SEC22B: variants seen among roughly 807,000 people sequenced by gnomAD.
SEC22B encodes the protein SEC22 homolog B, vesicle trafficking protein.
Under a neutral mutation model 31.4 loss-of-function variants are expected in SEC22B, and 10 were observed. The ratio of observed to expected loss-of-function variants is 0.32; its 90% CI spans 0.20 to 0.54. The LOEUF (loss-of-function observed/expected upper bound fraction) is 0.54. Among genes scored for constraint, SEC22B ranks in the 20% least tolerant of loss-of-function variants. The pLI is 0.94. For missense variants in SEC22B, 130 were observed against 263.4 expected (o/e 0.49, Z 3.50); for synonymous variants, 60 against 95.9 (o/e 0.63, Z 2.19).
In SEC22B at chr1:120,151,893, G is replaced by C. The variant is rs1158608597; in HGVS notation, c.*5145C>G. Reference sequence around the variant, plus strand: ...TTAGAGGTGAAAGAAGAAAGCAGAGGAGTCTAATGCAATGCGTGACTTGTA... The same window carrying C: ...TTAGAGGTGAAAGAAGAAAGCAGAGCAGTCTAATGCAATGCGTGACTTGTA... On this transcript the variant is annotated 3_prime_UTR_variant, in exon 5 of 5. Transcript: ENST00000578049. 6.6e-6 allele frequency: 1 copy of C among 151,886 alleles called. No homozygotes were observed. The highest frequency in any genetic ancestry group is 1.9e-4 in the East Asian group (1 of 5,170). 9.4% of individuals were successfully genotyped at this position (151,886 alleles called of 1,614,324 possible).
intron 2 of SEC22B, among the ~76,000 whole-genome samples, chr1:120,168,213 G>C (rs1287727275): frequency 1.3e-5 from 2 of 151,690 alleles, no homozygotes; most frequent in Non-Finnish European, 2.9e-5. Flanking sequence ...TATTTTGTCA[G>C]CTTCAAACTT....
Position 120,151,235 on chromosome 1 carries a change from G to A in SEC22B, c.*5803C>T, listed in dbSNP as rs1385299190. On this transcript the variant is annotated 3_prime_UTR_variant, in exon 5 of 5. Coordinates refer to ENST00000578049, the MANE Select transcript of SEC22B (RefSeq NM_004892.6). Reference sequence around the variant, plus strand: ...GTAAAATGTTTGACTGGTTAGAGACGCTAGATTATTTTGTGTGGCTAAGAC... The same window carrying A: ...GTAAAATGTTTGACTGGTTAGAGACACTAGATTATTTTGTGTGGCTAAGAC... 2 of 152,148 alleles carry A rather than the reference G, an allele frequency of 1.3e-5. No individual in the cohort carries two copies. Among genetic ancestry groups the A allele is most frequent in the East Asian group, 1.9e-4 (1 of 5,178 alleles). 9.4% of individuals were successfully genotyped at this position (152,148 alleles called of 1,614,324 possible).
intron 2 of SEC22B, among the ~76,000 whole-genome samples, chr1:120,163,678 C>T (rs1657756402): frequency 1.3e-5 from 2 of 151,528 alleles, no homozygotes; most frequent in South Asian, 4.1e-4. Context: ...CGGGTTCAAG[C>T]CATTCTCCTG....
intron 2 of SEC22B, among the ~76,000 whole-genome samples, chr1:120,167,842 G>T (rs1389746089): frequency 6.6e-6 from 1 of 152,108 alleles, no homozygotes; most frequent in African/African-American, 2.4e-5. Flanking sequence ...CCTAGGTCTT[G>T]GTTCTCTAAA....
Position 120,160,470 on chromosome 1 carries a change from C to G in SEC22B, c.407G>C (p.Gly136Ala). The G allele has an allele frequency of 6.2e-7, 1 of 1,611,056 alleles. No homozygotes were observed. The highest frequency in any genetic ancestry group is 8.5e-7 in the Non-Finnish European group (1 of 1,178,176). The change falls in exon 4 of 5, where the codon GGC becomes GCC. Residue 136 changes from glycine (G) to alanine (A), a missense_variant. By Grantham distance (60) the Gly-to-Ala change is moderately conservative. This residue lies in a region of SEC22B where 53 missense variants were observed against 63.3 expected (regional missense o/e 0.84). Coordinates refer to ENST00000578049, the MANE Select transcript of SEC22B (RefSeq NM_004892.6). ...YIDSRARRNL[G>A]SINTELQDVQ... ...ATCTTGCAATTCAGTGTTGATGGAGCCTAGATTTCTTCGAGCACGACTGTC... is the reference window on the plus strand; with the variant it reads ...ATCTTGCAATTCAGTGTTGATGGAGGCTAGATTTCTTCGAGCACGACTGTC...
At chr1:120,163,945 CTT>C (rs1169530604) in intron 2 of SEC22B, among the ~76,000 whole-genome samples, 13 of 68,934 alleles carry the variant, frequency 1.9e-4, no homozygotes, top group Non-Finnish European at 2.9e-4. Flanking sequence ...ATTAGATTCT[CTT>C]TTTTTTTTTT....
chr1:120,176,212 C>G, intron 1 of SEC22B, 95 bp downstream of exon 1: 1 of 1,241,064 alleles, frequency 8.1e-7, no homozygotes, highest in Non-Finnish European at 1.1e-6. Flanking sequence ...CCCGGGAAGT[C>G]ACAAAGGTCT....
At chr1:120,168,535 G>C (rs1354993734) in intron 2 of SEC22B, among the ~76,000 whole-genome samples, 2,986 of 151,750 alleles carry the variant, frequency 0.02, 98 homozygotes, top group African/African-American at 0.068. Flanking sequence ...TACACTGTTA[G>C]GAAATGTTTG....
rs1348165414 is a variant in SEC22B at position 120,156,823 on chromosome 1, A to G, written c.*215T>C. 2.7e-6 allele frequency: 1 copy of G among 372,956 alleles called. No homozygotes were observed. Among genetic ancestry groups the G allele is most frequent in the Non-Finnish European group, 4.8e-6 (1 of 209,620 alleles). 23.1% of individuals were successfully genotyped at this position (372,956 alleles called of 1,614,324 possible). ...AATATATATGGCTTGGCACCCAGAG[A>G]AAGCCTCTGCCCCCGAAAGAGACTT... On this transcript the variant is annotated 3_prime_UTR_variant, in exon 5 of 5. Transcript: ENST00000578049.
intron 4 of SEC22B, chr1:120,159,527 AATATATTTAATATATATTAAAT>A (rs1322958286): frequency 4.0e-5 from 6 of 148,402 alleles, no homozygotes; most frequent in African/African-American, 9.8e-5. Flanking sequence ...GTTATATGGA[AATATATTTAATATATATTAAAT>A]ATATATTTAA....
intron 4 of SEC22B, 141 bp from the exon 5 acceptor site, chr1:120,157,333 A>G: frequency 1.8e-6 from 1 of 564,980 alleles, no homozygotes; most frequent in Non-Finnish European, 2.8e-6. Context: ...AACATTGCAT[A>G]TACTAATTAA....
rs1336170403 is a variant in SEC22B at position 120,151,880 on chromosome 1, G to T, written c.*5158C>A. 6.6e-6 allele frequency: 1 copy of T among 151,790 alleles called. No homozygotes were observed. Among genetic ancestry groups the T allele is most frequent in the African/African-American group, 2.4e-5 (1 of 41,362 alleles). 9.4% of individuals were successfully genotyped at this position (151,790 alleles called of 1,614,324 possible). A position where few individuals can be genotyped will look rare whatever the true frequency, so the allele number is the denominator to read the frequency against. The stretch of plus-strand genomic sequence containing the variant: ...GTTAATAGTCTAGTTAGAGGTGAAA[G>T]AAGAAAGCAGAGGAGTCTAATGCAA... On this transcript the variant is annotated 3_prime_UTR_variant, in exon 5 of 5. Transcript: ENST00000578049.
At position 120,168,613 on chromosome 1, in the gene SEC22B, G is replaced by A. The variant is rs1182094389; in HGVS notation, c.185+227C>T. Among the ~76,000 whole-genome samples, 31 of 150,852 alleles carry A rather than the reference G, an allele frequency of 2.1e-4. 1 individual carries two copies. In the South Asian group the frequency reaches 6.3e-3, roughly 31 times the overall value. On this transcript the variant is annotated intron_variant, in intron 2 of 4. Coordinates refer to ENST00000578049, the MANE Select transcript of SEC22B (RefSeq NM_004892.6). ...CTAAAGCAAGAAGTTATCTATTATT[G>A]CATGATGGGCACAGCATAGACACAT...
At chr1:120,168,407 C>A (rs1278384348) in intron 2 of SEC22B, among the ~76,000 whole-genome samples, 35,617 of 151,728 alleles carry the variant, frequency 0.23, 6,788 homozygotes, top group African/African-American at 0.53. Flanking sequence ...GTGTGTCAGA[C>A]AAGATGCTAA....
At chr1:120,165,521 T>A (rs1657791654) in intron 2 of SEC22B, among the ~76,000 whole-genome samples, 1 of 152,154 alleles carries the variant, frequency 6.6e-6, no homozygotes, top group South Asian at 2.1e-4. Flanking sequence ...TATATTTATA[T>A]ATGGAATATG....
Position 120,168,993 on chromosome 1 carries a change from G to C in SEC22B, c.76-44C>G, listed in dbSNP as rs1442939267. On this transcript the variant is annotated intron_variant, in intron 1 of 4. Transcript: ENST00000578049. ...ATTTAAGAATTTTCCACAAAATGCT[G>C]TATCAATTAGTGAGAAGCATCATAT... 10 of 662,064 alleles carry C rather than the reference G, an allele frequency of 1.5e-5. No homozygotes were observed. The East Asian group carries it at 2.8e-4, about 18-fold the overall frequency. 41.0% of individuals were successfully genotyped at this position (662,064 alleles called of 1,614,324 possible). A position where few individuals can be genotyped will look rare whatever the true frequency, so the allele number is the denominator to read the frequency against.
At position 120,176,469 on chromosome 1, in the gene SEC22B, T is replaced by C. The variant is rs1553230228; in HGVS notation, c.-88A>G. 1.2e-3 allele frequency: 1,369 copies of C among 1,172,992 alleles called. 14 individuals carry two copies. In the African/African-American group the frequency reaches 0.017, roughly 14 times the overall value. The allele number at this position is 1,172,992 out of a possible 1,614,324, so 72.7% of individuals were successfully genotyped here. A position where few individuals can be genotyped will look rare whatever the true frequency, so the allele number is the denominator to read the frequency against. ...CCGCCGCGACAACAGTTATACCCTA[T>C]GTCTCAGTTACCGGAGATCCAGCTG... On this transcript the variant is annotated 5_prime_UTR_variant, in exon 1 of 5. Transcript: ENST00000578049.
intron 1 of SEC22B, among the ~76,000 whole-genome samples, chr1:120,170,965 A>T (rs1388112644): frequency 8.5e-6 from 1 of 117,592 alleles, no homozygotes; most frequent in Non-Finnish European, 1.6e-5. Flanking sequence ...TTAATTTATT[A>T]AATTTAATTT....
At chr1:120,160,832 T>C (rs1657703859) in intron 3 of SEC22B, among the ~76,000 whole-genome samples, 1 of 150,778 alleles carries the variant, frequency 6.6e-6, no homozygotes, top group Non-Finnish European at 1.5e-5. Context: ...GAGGTTGCAG[T>C]GAGCCGAGAT....
Sources: allele counts gnomAD v4.1 joint callset (sites outside exome capture counted in the v4.1 genomes callset), GRCh38; gene constraint gnomAD v4.1.1; regional missense constraint gnomAD v4.1.1; transcripts MANE v1.5; gene names NCBI Gene and HGNC (gene_info 2026-07-23, HGNC 2026-07-21).